The following ZNF808 variants were observed in gnomAD, a reference collection of about 807,000 sequenced individuals.
The protein encoded by ZNF808 is zinc finger protein 808.
In ZNF808, 5 loss-of-function variants were observed where a neutral mutation model predicts 8.7. The observed-to-expected ratio is 0.58, with a 90% CI of 0.30 to 1.21. The LOEUF (loss-of-function observed/expected upper bound fraction) is 1.21. ZNF808 is among the 50% of genes most tolerant of loss of function. The pLI is 0.07. For missense variants in ZNF808, 1,103 were observed against 1,098.4 expected, an observed-to-expected ratio of 1.00 and a Z score of -0.06; for synonymous variants, 380 against 366.0, an observed-to-expected ratio of 1.04 and a Z score of -0.44.
intron 2 of ZNF808, among the ~76,000 whole-genome samples, chr19:52,537,060 C>T (rs1455354842): frequency 6.6e-6 from 1 of 152,032 alleles, no homozygotes; most frequent in East Asian, 1.9e-4. Context: ...GTTGCATATG[C>T]CTGTAATGTC....
At chr19:52,542,238 C>T (rs2059678100) in intron 2 of ZNF808, among the ~76,000 whole-genome samples, 1 of 151,958 alleles carries the variant, frequency 6.6e-6, no homozygotes, top group Non-Finnish European at 1.5e-5. Flanking sequence ...GGATCACAGT[C>T]GACTTTCAAA....
At chr19:52,542,350 C>A (rs2059679110) in intron 2 of ZNF808, among the ~76,000 whole-genome samples, 1 of 152,298 alleles carries the variant, frequency 6.6e-6, no homozygotes, top group African/African-American at 2.4e-5. Context: ...GCCCTCCTCT[C>A]TTCCACTGCT....
chr19:52,554,394 G>GC lies in ZNF808; in HGVS notation c.1480dup (p.Arg494ProfsTer10). ...TGTAATGAGTGTCGCAAGACCTTCA[G>GC]CCGCAGGTCATCCCTTCTATGCCAT... On this transcript the variant is annotated frameshift_variant, in exon 5 of 5. Coordinates refer to ENST00000359798, the MANE Select transcript of ZNF808 (RefSeq NM_001039886.4). LOFTEE classifies it low-confidence loss of function (END_TRUNC). 3 of 1,613,926 alleles carry GC rather than the reference G, an allele frequency of 1.9e-6. No homozygotes were observed. Among genetic ancestry groups the GC allele is most frequent in the Non-Finnish European group, 2.5e-6 (3 of 1,179,974 alleles).
intron 2 of ZNF808, among the ~76,000 whole-genome samples, chr19:52,539,648 G>A (rs2059651394): frequency 6.8e-6 from 1 of 147,678 alleles, no homozygotes; most frequent in Non-Finnish European, 1.5e-5. Context: ...TTGCCTCTGG[G>A]GTTCAAGTGA....
chr19:52,558,273 A>C (rs1600048856), downstream of ZNF808, among the ~76,000 whole-genome samples: 3 of 150,474 alleles, frequency 2.0e-5, no homozygotes, highest in South Asian at 6.3e-4. Context: ...GCGGGGTTTC[A>C]CCCTGGTCTC....
At chr19:52,567,040 C>T (rs2059874577), downstream of ZNF808, among the ~76,000 whole-genome samples, 1 of 151,796 alleles carries the variant, frequency 6.6e-6, no homozygotes, top group Admixed American at 6.6e-5. Flanking sequence ...CAACTTCCAC[C>T]TTCCGGGTTC....
At chr19:52,552,857 G>T (rs2078183355) in intron 4 of ZNF808, among the ~76,000 whole-genome samples, 1 of 151,802 alleles carries the variant, frequency 6.6e-6, no homozygotes, top group African/African-American at 2.4e-5. Context: ...CTTACTTTAG[G>T]CTTATACATA....
chr19:52,555,115 A>G lies in ZNF808; in HGVS notation c.2199A>G (p.Lys733=), dbSNP rs781291459. The change falls in exon 5 of 5, where the codon AAA becomes AAG. Residue 733 remains lysine, a synonymous_variant. Coordinates refer to ENST00000359798, the MANE Select transcript of ZNF808 (RefSeq NM_001039886.4). ...ATCGTAGAATTCATAGTGGTGAGAA[A>G]CCTTACAAGTGTAGTGAGTGCAGCA... The part of the protein sequence containing the change: ...VCHRRIHSGE[K]PYKCSECSKT... 83 of 1,614,152 alleles carry G rather than the reference A, an allele frequency of 5.1e-5. No individual in the cohort carries two copies. The East Asian group carries it at 1.7e-3, about 33-fold the overall frequency.
chr19:52,548,491 T>G (rs543745071), intron 4 of ZNF808, among the ~76,000 whole-genome samples: 19 of 152,056 alleles, frequency 1.2e-4, no homozygotes, highest in Non-Finnish European at 2.8e-4. Context: ...GGCATGATCT[T>G]GGCTCACCAC....
downstream of ZNF808, among the ~76,000 whole-genome samples, chr19:52,568,426 C>A (rs1258014606): frequency 6.6e-6 from 1 of 152,150 alleles, no homozygotes; most frequent in Non-Finnish European, 1.5e-5. Context: ...TTCCTAATAT[C>A]AATTTTAAAA....
At chr19:52,545,660 C>T (rs532196200) in intron 3 of ZNF808, among the ~76,000 whole-genome samples, 18 of 152,090 alleles carry the variant, frequency 1.2e-4, no homozygotes, top group African/African-American at 4.3e-4. Context: ...TGCCTCAAAT[C>T]CTAGCTACTG....
intron 2 of ZNF808, among the ~76,000 whole-genome samples, chr19:52,540,549 T>C (rs190854707): frequency 9.2e-5 from 14 of 152,316 alleles, no homozygotes; most frequent in Non-Finnish European, 1.9e-4. Context: ...CTTTTTTCTT[T>C]ACCCTAACAT....
intron 4 of ZNF808, among the ~76,000 whole-genome samples, chr19:52,549,912 A>G (rs949530024): frequency 3.3e-5 from 5 of 152,158 alleles, no homozygotes; most frequent in South Asian, 2.1e-4. Flanking sequence ...TGTGCAGGGC[A>G]TCATGACTCA....
In ZNF808 at chr19:52,553,988, C is replaced by A; in HGVS notation, c.1072C>A (p.Leu358Ile). Residue 358 changes from leucine to isoleucine, a missense_variant, in exon 5 of 5, where the codon CTT (leucine) becomes ATT (isoleucine). Transcript: ENST00000359798. ...CGKAFNQQSH[L>I]SRHQRLHTGV... ...CAAGGCTTTTAATCAACAATCACAC[C>A]TTTCACGCCATCAAAGACTTCATAC... 1 of 1,614,142 alleles carries A rather than the reference C, an allele frequency of 6.2e-7. No individual in the cohort carries two copies.
At chr19:52,558,606 G>A (rs977253180), downstream of ZNF808, among the ~76,000 whole-genome samples, 7 of 151,834 alleles carry the variant, frequency 4.6e-5, no homozygotes, top group African/African-American at 1.5e-4. Flanking sequence ...TCCTGACCTC[G>A]TGATCCGCCC....
downstream of ZNF808, among the ~76,000 whole-genome samples, chr19:52,557,836 C>T (rs73578242): frequency 0.021 from 3,234 of 152,054 alleles, 103 homozygotes; most frequent in African/African-American, 0.067. Flanking sequence ...TTAGCCCTTC[C>T]AGGCCCCCAT....
Position 52,555,090 on chromosome 19 carries a change from A to G in ZNF808, c.2174A>G (p.His725Arg). 6.2e-7 allele frequency: 1 copy of G among 1,614,200 alleles called. No homozygotes were observed. ...AGTAACAGGTCATCCCTTGTATGCC[A>G]TCGTAGAATTCATAGTGGTGAGAAA... ...TFSNRSSLVC[H>R]RRIHSGEKPY... The change falls in exon 5 of 5, where the codon CAT becomes CGT. Residue 725 changes from histidine (H) to arginine (R), a missense_variant. Physicochemically the swap from His to Arg is conservative, Grantham distance 29. Coordinates refer to ENST00000359798, the MANE Select transcript of ZNF808 (RefSeq NM_001039886.4).
At chr19:52,560,169 A>G (rs897870321), downstream of ZNF808, among the ~76,000 whole-genome samples, 1 of 151,986 alleles carries the variant, frequency 6.6e-6, no homozygotes, top group African/African-American at 2.4e-5. Flanking sequence ...TGCCATCTCA[A>G]CTAAAAATTA....
chr19:52,534,075 C>CACTTTGGG (rs2123074075), intron 2 of ZNF808, among the ~76,000 whole-genome samples: 1 of 152,244 alleles, frequency 6.6e-6, no homozygotes, highest in South Asian at 2.1e-4. Context: ...GTAATCACAA[C>CACTTTGGG]ACTTTGGGAG....
Sources: allele counts gnomAD v4.1 joint callset (sites outside exome capture counted in the v4.1 genomes callset), GRCh38; gene constraint gnomAD v4.1.1; transcripts MANE v1.5; gene names NCBI Gene and HGNC (gene_info 2026-07-23, HGNC 2026-07-21).